Variants in PTPRK observed in about 807,000 individuals in gnomAD.
The protein encoded by PTPRK is receptor-type tyrosine-protein phosphatase kappa.
In PTPRK, 75 loss-of-function variants were observed where a neutral mutation model predicts 178.0. The observed-to-expected ratio is 0.42, with a 90% CI of 0.35 to 0.51. The LOEUF is 0.51. Among genes scored for constraint, PTPRK ranks in the 20% least tolerant of loss-of-function variants. The pLI is 0.02. For synonymous variants in PTPRK, 637 were observed against 620.6 expected (o/e 1.03, Z -0.39); for missense variants, 1,441 against 1,797.8 (o/e 0.80, Z 3.59).
chr6:128,510,995 A>G (rs1306107316), intron 1 of PTPRK, among the ~76,000 whole-genome samples: 1 of 152,200 alleles, frequency 6.6e-6, no homozygotes, highest in Non-Finnish European at 1.5e-5. Flanking sequence ...TGAAGGGGTC[A>G]TTAATTTCTA....
At chr6:128,484,194 A>G (rs1852497485) in intron 1 of PTPRK, among the ~76,000 whole-genome samples, 1 of 152,068 alleles carries the variant, frequency 6.6e-6, no homozygotes, top group African/African-American at 2.4e-5. Flanking sequence ...CTTATTCATC[A>G]CCCTTGGTCC....
At chr6:128,077,038 T>A (rs1215666159) in intron 11 of PTPRK, among the ~76,000 whole-genome samples, 1 of 152,008 alleles carries the variant, frequency 6.6e-6, no homozygotes, top group Non-Finnish European at 1.5e-5. Context: ...GCAAAAATAA[T>A]AAAAATATGC....
chr6:128,451,479 A>G (rs1040487892), intron 1 of PTPRK, among the ~76,000 whole-genome samples: 1 of 152,144 alleles, frequency 6.6e-6, no homozygotes, highest in African/African-American at 2.4e-5. Flanking sequence ...TTCCAACCAC[A>G]TATTTGTGTG....
chr6:128,187,597 C>T (rs1318341659), intron 6 of PTPRK, among the ~76,000 whole-genome samples: 1 of 152,056 alleles, frequency 6.6e-6, no homozygotes, highest in Non-Finnish European at 1.5e-5. Flanking sequence ...AATTAATATT[C>T]AACACTAGTG....
intron 7 of PTPRK, among the ~76,000 whole-genome samples, chr6:128,176,053 T>C (rs1562728664): frequency 6.6e-6 from 1 of 151,794 alleles, no homozygotes; most frequent in East Asian, 1.9e-4. Flanking sequence ...GAAAGAGGAC[T>C]CTGGAACAAT....
At chr6:128,071,262 TC>T (rs1782777925) in intron 11 of PTPRK, among the ~76,000 whole-genome samples, 1 of 152,004 alleles carries the variant, frequency 6.6e-6, no homozygotes, top group South Asian at 2.1e-4. Context: ...ATGTATACTT[TC>T]TTTTCAACTC....
intron 15 of PTPRK, among the ~76,000 whole-genome samples, chr6:127,999,259 G>T (rs1308352947): frequency 6.6e-6 from 1 of 151,940 alleles, no homozygotes; most frequent in African/African-American, 2.4e-5. Flanking sequence ...GTCAAGTGGA[G>T]GTGTTTTCAT....
At chr6:128,002,274 T>C (rs559274183) in intron 15 of PTPRK, among the ~76,000 whole-genome samples, 30 of 151,942 alleles carry the variant, frequency 2.0e-4, no homozygotes, top group African/African-American at 7.2e-4. Context: ...AAATATAAGT[T>C]AAAGTTTTTT....
chr6:128,263,773 A>G (rs561103085), intron 3 of PTPRK, among the ~76,000 whole-genome samples: 80 of 152,282 alleles, frequency 5.3e-4, no homozygotes, highest in African/African-American at 1.9e-3. Flanking sequence ...GGTGTGCCTG[A>G]TAAGTGTATG....
chr6:128,509,456 T>C (rs1856862056), intron 1 of PTPRK, among the ~76,000 whole-genome samples: 2 of 152,194 alleles, frequency 1.3e-5, no homozygotes, highest in African/African-American at 4.8e-5. Context: ...CATGCAAATA[T>C]ATGAAGCATT....
chr6:128,242,660 G>A, intron 3 of PTPRK, 58 bp from the exon 4 acceptor site: 1 of 1,585,830 alleles, frequency 6.3e-7, no homozygotes, highest in Non-Finnish European at 8.5e-7. Flanking sequence ...TTTCTACAGT[G>A]GAGGGGAATA....
chr6:128,106,604 A>G (rs1475520979), intron 7 of PTPRK, among the ~76,000 whole-genome samples: 2 of 152,282 alleles, frequency 1.3e-5, no homozygotes, highest in East Asian at 3.9e-4. Flanking sequence ...TGCTAAACAC[A>G]AAGCTTTTCC....
chr6:128,046,929 T>G (rs1337648862), intron 13 of PTPRK, among the ~76,000 whole-genome samples: 4 of 152,214 alleles, frequency 2.6e-5, no homozygotes, highest in Non-Finnish European at 4.4e-5. Context: ...TTTGTTATTT[T>G]TGAATGTCTG....
At chr6:128,254,771 A>C (rs948105672) in intron 3 of PTPRK, among the ~76,000 whole-genome samples, 1 of 152,156 alleles carries the variant, frequency 6.6e-6, no homozygotes, top group Non-Finnish European at 1.5e-5. Context: ...CATCCTTTTC[A>C]TATCACAAAC....
intron 7 of PTPRK, among the ~76,000 whole-genome samples, chr6:128,154,865 A>C (rs1003369043): frequency 4.0e-5 from 6 of 151,810 alleles, no homozygotes; most frequent in Admixed American, 3.9e-4. Flanking sequence ...AGTAGATAGA[A>C]GAATGTAACA....
chr6:128,491,906 C>T (rs1853852228), intron 1 of PTPRK: 3 of 461,630 alleles, frequency 6.5e-6, no homozygotes, highest in South Asian at 4.6e-5. Flanking sequence ...AGGAAGAATA[C>T]TTGGCAATGA....
intron 2 of PTPRK, among the ~76,000 whole-genome samples, chr6:128,329,886 C>T (rs1830043382): frequency 6.6e-6 from 1 of 152,162 alleles, no homozygotes; most frequent in Non-Finnish European, 1.5e-5. Flanking sequence ...GGGCTTTCTT[C>T]CACTCTAGTC....
chr6:128,387,154 C>T lies in PTPRK; in HGVS notation c.223+10412G>A, dbSNP rs937850991. 2.0e-5 allele frequency among the ~76,000 whole-genome samples: 3 copies of T among 152,124 alleles called. No individual in the cohort carries two copies. The East Asian group carries it at 5.8e-4, about 29-fold the overall frequency. Reference sequence around the variant, plus strand: ...AAGAATCATCCTTGGATAATATTTACGATCCTAAGGGGGAAGTTTTAAGAA... The same window carrying T: ...AAGAATCATCCTTGGATAATATTTATGATCCTAAGGGGGAAGTTTTAAGAA... On this transcript the variant is annotated intron_variant, in intron 2 of 29. Coordinates refer to ENST00000368226, the MANE Select transcript of PTPRK (RefSeq NM_002844.4).
intron 5 of PTPRK, among the ~76,000 whole-genome samples, chr6:128,233,252 T>C (rs2128279985): frequency 6.6e-6 from 1 of 152,286 alleles, no homozygotes; most frequent in South Asian, 2.1e-4. Flanking sequence ...GCCTCTGAAA[T>C]GGTGTAGTGC....
Sources: allele counts gnomAD v4.1 joint callset (sites outside exome capture counted in the v4.1 genomes callset), GRCh38; gene constraint gnomAD v4.1.1; transcripts MANE v1.5; gene names NCBI Gene and HGNC (gene_info 2026-07-23, HGNC 2026-07-21).